NDRG3: variants seen among roughly 807,000 people sequenced by gnomAD.
NDRG3 encodes protein NDRG3.
In NDRG3, 23 loss-of-function variants were observed where a neutral mutation model predicts 57.2. That is an observed-to-expected ratio of 0.40 (90% CI 0.29 to 0.57). The LOEUF (loss-of-function observed/expected upper bound fraction) is 0.57, where lower values mean the gene tolerates loss of function less well. Ranked by LOEUF, NDRG3 falls within the 20% of genes least tolerant of loss-of-function variation. NDRG3 has a pLI of 0.42. For synonymous variants in NDRG3, 132 were observed against 162.6 expected (o/e 0.81, Z 1.43); for missense variants, 384 against 457.3 (o/e 0.84, Z 1.46).
At chr20:36,654,567 G>C (rs1978485116) in intron 15 of NDRG3, among the ~76,000 whole-genome samples, 5 of 152,210 alleles carry the variant, frequency 3.3e-5, no homozygotes, top group Admixed American at 3.3e-4. Flanking sequence ...TCAAGTTTCA[G>C]CTGCTGCTGT....
In NDRG3 at chr20:36,726,324, C is replaced by T. The variant is rs144890450; in HGVS notation, c.-48-4541G>A. Among the ~76,000 whole-genome samples the T allele has an allele frequency of 6.5e-3, 984 of 152,272 alleles. 12 individuals are homozygous for T. The highest frequency in any genetic ancestry group is 0.022 in the African/African-American group (924 of 41,558). ...GAGAAGGCTGTCCCTATCAGCTAGGCCCAATGCAGGCTCAGGCGACAATGT... is the reference window on the plus strand; with the variant it reads ...GAGAAGGCTGTCCCTATCAGCTAGGTCCAATGCAGGCTCAGGCGACAATGT... On this transcript the variant is annotated intron_variant, in intron 1 of 15. Coordinates refer to ENST00000349004, the MANE Select transcript of NDRG3 (RefSeq NM_032013.4).
chr20:36,713,126 C>T (rs1984022619), intron 2 of NDRG3, among the ~76,000 whole-genome samples: 1 of 152,030 alleles, frequency 6.6e-6, no homozygotes, highest in Non-Finnish European at 1.5e-5. Flanking sequence ...GCCATTAATT[C>T]CATATTCAGA....
intron 15 of NDRG3, chr20:36,654,864 AAGGCAGGTT>A: frequency 1.3e-6 from 1 of 779,688 alleles, no homozygotes; most frequent in South Asian, 1.3e-5. Flanking sequence ...GACACAGGAA[AAGGCAGGTT>A]AGTGACCCCA....
At chr20:36,664,784 A>C (rs150506349) in intron 12 of NDRG3, among the ~76,000 whole-genome samples, 1,785 of 152,004 alleles carry the variant, frequency 0.012, 44 homozygotes, top group African/African-American at 0.041. Context: ...TGACCTCCTG[A>C]GCTCAAGCAA....
At chr20:36,745,172 A>T (rs1986127164) in intron 1 of NDRG3, among the ~76,000 whole-genome samples, 1 of 152,210 alleles carries the variant, frequency 6.6e-6, no homozygotes, top group African/African-American at 2.4e-5. Flanking sequence ...TGGGAAGTGC[A>T]GAGGTGGTTA....
intron 2 of NDRG3, among the ~76,000 whole-genome samples, chr20:36,708,647 C>CAAAAAAA (rs746647555): frequency 1.4e-4 from 9 of 62,414 alleles, no homozygotes; most frequent in Admixed American, 1.9e-4. Context: ...GACTCCGTCT[C>CAAAAAAA]AAAAAAAAAA....
intron 1 of NDRG3, among the ~76,000 whole-genome samples, chr20:36,741,569 C>A (rs1278308833): frequency 6.6e-6 from 1 of 152,124 alleles, no homozygotes; most frequent in Non-Finnish European, 1.5e-5. Flanking sequence ...ATTCCCCAAG[C>A]CTCTAAATCT....
chr20:36,708,673 G>GA (rs943996532), intron 2 of NDRG3, among the ~76,000 whole-genome samples: 35 of 147,978 alleles, frequency 2.4e-4, no homozygotes, highest in Admixed American at 6.8e-4. Flanking sequence ...AAAAGAAAAA[G>GA]AAAAAAAGAA....
intron 3 of NDRG3, among the ~76,000 whole-genome samples, chr20:36,706,694 G>A (rs571923907): frequency 5.9e-5 from 9 of 152,118 alleles, no homozygotes; most frequent in Non-Finnish European, 1.3e-4. Context: ...AGTAGGATGA[G>A]TTTTCACCAT....
chr20:36,722,628 T>A (rs923105128), intron 1 of NDRG3, among the ~76,000 whole-genome samples: 22 of 152,084 alleles, frequency 1.4e-4, no homozygotes, highest in African/African-American at 5.3e-4. Flanking sequence ...GAATTAGGAA[T>A]GGCAGTGGGA....
intron 1 of NDRG3, among the ~76,000 whole-genome samples, chr20:36,730,727 T>C (rs1374848829): frequency 1.3e-5 from 2 of 151,572 alleles, no homozygotes; most frequent in East Asian, 1.9e-4. Context: ...ATGGGAGAAT[T>C]ATTTGAGGCC....
chr20:36,743,808 A>ACTC (rs1010845385), intron 1 of NDRG3, among the ~76,000 whole-genome samples: 11 of 150,950 alleles, frequency 7.3e-5, no homozygotes, highest in African/African-American at 2.4e-4. Context: ...ACAGAGCGAG[A>ACTC]CTCCGTCTCA....
At chr20:36,675,354 C>T (rs1403097355) in intron 8 of NDRG3, among the ~76,000 whole-genome samples, 1 of 143,566 alleles carries the variant, frequency 7.0e-6, no homozygotes, top group African/African-American at 2.6e-5. Flanking sequence ...GCCACCTCAC[C>T]TGGCCCGCAA....
rs180699129 is a variant in NDRG3 at position 36,722,972 on chromosome 20, G to A, written c.-48-1189C>T. Among the ~76,000 whole-genome samples, 154 of 152,298 alleles carry A rather than the reference G, an allele frequency of 1.0e-3. 1 individual carries two copies. Among genetic ancestry groups the A allele is most frequent in the Admixed American group, 2.8e-3 (43 of 15,288 alleles). On this transcript the variant is annotated intron_variant, in intron 1 of 15. Transcript: ENST00000349004. ...CAGGACACTCAAACAGCCCTCTGGC[G>A]AGGCCCATGTGGAGAGGAACCAACT...
chr20:36,676,990 A>G (rs1344140745), intron 8 of NDRG3, among the ~76,000 whole-genome samples: 3 of 152,208 alleles, frequency 2.0e-5, no homozygotes, highest in Non-Finnish European at 4.4e-5. Context: ...TGTGGATCTC[A>G]GCCTCCCTGT....
chr20:36,682,686 T>A, intron 6 of NDRG3, 108 bp from the exon 7 acceptor site: 2 of 892,502 alleles, frequency 2.2e-6, no homozygotes, highest in Admixed American at 2.2e-5. Context: ...TGATATTTAT[T>A]AGATGTGAGA....
At chr20:36,715,292 T>C (rs539544304) in intron 2 of NDRG3, among the ~76,000 whole-genome samples, 32 of 151,380 alleles carry the variant, frequency 2.1e-4, no homozygotes, top group African/African-American at 7.7e-4. Context: ...ATCTGGTCTG[T>C]AACGGTGGCA....
intron 12 of NDRG3, 140 bp downstream of exon 12, chr20:36,664,906 C>G: frequency 1.2e-6 from 1 of 845,606 alleles, no homozygotes; most frequent in Non-Finnish European, 2.0e-6. Context: ...CCAGGCTGGT[C>G]TCAAACTCCT....
intron 2 of NDRG3, among the ~76,000 whole-genome samples, chr20:36,709,446 G>C (rs767600893): frequency 2.0e-4 from 30 of 152,172 alleles, no homozygotes; most frequent in Non-Finnish European, 4.3e-4. Context: ...ATGGGCAAGA[G>C]AATGGTAGAG....
Sources: allele counts gnomAD v4.1 joint callset (sites outside exome capture counted in the v4.1 genomes callset), GRCh38; gene constraint gnomAD v4.1.1; transcripts MANE v1.5; gene names NCBI Gene and HGNC (gene_info 2026-07-23, HGNC 2026-07-21).